NOS1AP: variants seen among roughly 807,000 people sequenced by gnomAD.
The protein encoded by NOS1AP is nitric oxide synthase 1 adaptor protein.
Under a neutral mutation model 56.2 loss-of-function variants are expected in NOS1AP, and 21 were observed. The observed-to-expected ratio is 0.37, with a 90% CI of 0.26 to 0.54. The LOEUF (loss-of-function observed/expected upper bound fraction) is 0.54, where lower values mean the gene tolerates loss of function less well. NOS1AP is among the 20% of genes least tolerant of loss of function. The pLI, the probability that NOS1AP is intolerant of heterozygous loss-of-function variation, is 0.84. For synonymous variants in NOS1AP, 270 were observed against 274.6 expected, an observed-to-expected ratio of 0.98 and a Z score of 0.17; for missense variants, 522 against 657.8, an observed-to-expected ratio of 0.79 and a Z score of 2.26.
chr1:162,326,170 T>C (rs1394117073), intron 4 of NOS1AP, among the ~76,000 whole-genome samples: 1 of 152,216 alleles, frequency 6.6e-6, no homozygotes, highest in African/African-American at 2.4e-5. Context: ...CTACATCCTC[T>C]ACCCTAAAGT....
intron 2 of NOS1AP, among the ~76,000 whole-genome samples, chr1:162,206,586 T>G (rs562437803): frequency 6.6e-6 from 1 of 152,358 alleles, no homozygotes; most frequent in Non-Finnish European, 1.5e-5. Context: ...AGGTAAGCCT[T>G]GTTATCATAA....
At chr1:162,147,300 C>T (rs1283303429) in intron 1 of NOS1AP, among the ~76,000 whole-genome samples, 1 of 147,652 alleles carries the variant, frequency 6.8e-6, no homozygotes, top group Non-Finnish European at 1.5e-5. Flanking sequence ...CCACTGCACT[C>T]CAGCCTGGGC....
At chr1:162,168,491 T>C (rs1368620042) in intron 2 of NOS1AP, among the ~76,000 whole-genome samples, 1 of 152,310 alleles carries the variant, frequency 6.6e-6, no homozygotes, top group South Asian at 2.1e-4. Context: ...GTGGAAACAG[T>C]TGATAAACAG....
At chr1:162,269,742 G>A (rs185367065) in intron 2 of NOS1AP, among the ~76,000 whole-genome samples, 267 of 152,196 alleles carry the variant, frequency 1.8e-3, no homozygotes, top group African/African-American at 6.1e-3. Flanking sequence ...TTTTTCCAAA[G>A]GGCTATACTA....
intron 2 of NOS1AP, among the ~76,000 whole-genome samples, chr1:162,230,760 A>G (rs373110441): frequency 2.0e-5 from 3 of 152,162 alleles, no homozygotes; most frequent in African/African-American, 7.2e-5. Context: ...GTTTTTTTGT[A>G]ATGGGCTTAT....
intron 2 of NOS1AP, among the ~76,000 whole-genome samples, chr1:162,206,282 T>C (rs6668457): frequency 0.16 from 23,919 of 152,120 alleles, 2,086 homozygotes; most frequent in South Asian, 0.23. Flanking sequence ...GCAAAGTTTT[T>C]TATTCTCTTG....
chr1:162,119,757 G>A (rs1052245656), intron 1 of NOS1AP, among the ~76,000 whole-genome samples: 13 of 152,130 alleles, frequency 8.5e-5, no homozygotes, highest in Non-Finnish European at 1.9e-4. Context: ...TCTCTCTCTT[G>A]TCTTTGTGAG....
chr1:162,235,923 T>C (rs1322527940), intron 2 of NOS1AP, among the ~76,000 whole-genome samples: 1 of 152,208 alleles, frequency 6.6e-6, no homozygotes, highest in Admixed American at 6.5e-5. Context: ...AGAAGGCACA[T>C]AGACATCATC....
At chr1:162,284,490 A>C (rs1414725251) in intron 2 of NOS1AP, among the ~76,000 whole-genome samples, 1 of 152,164 alleles carries the variant, frequency 6.6e-6, no homozygotes. Flanking sequence ...TTCATTTTGA[A>C]GGACTCCAGA....
chr1:162,324,981 CTG>C lies in NOS1AP; in HGVS notation c.345-8033_345-8032del, dbSNP rs571710820. Among the ~76,000 whole-genome samples the C allele has an allele frequency of 2.9e-4, 44 of 152,238 alleles. 2 individuals carry two copies. In the South Asian group the frequency reaches 6.4e-3, roughly 22 times the overall value. On this transcript the variant is annotated intron_variant, in intron 4 of 9. Coordinates refer to ENST00000361897, the MANE Select transcript of NOS1AP (RefSeq NM_014697.3). ...CAGTGTGGCCCCACACTTCAGGTGT[CTG>C]TGGAAGTCAGGCTGTGAAGTAAGGA...
intron 2 of NOS1AP, among the ~76,000 whole-genome samples, chr1:162,206,775 A>G (rs1652177202): frequency 6.6e-6 from 1 of 152,242 alleles, no homozygotes; most frequent in Admixed American, 6.5e-5. Flanking sequence ...AAGACCTTGT[A>G]GTGTGACCAT....
intron 1 of NOS1AP, among the ~76,000 whole-genome samples, chr1:162,130,321 C>T (rs1333888454): frequency 6.6e-6 from 1 of 152,214 alleles, no homozygotes; most frequent in Non-Finnish European, 1.5e-5. Context: ...TCAGGTCTTT[C>T]CGACATTAGA....
Position 162,255,490 on chromosome 1 carries a change from A to ATTTTTTTTTTTTTTTTTT in NOS1AP, c.178-31836_178-31819dup, listed in dbSNP as rs35637289. Among the ~76,000 whole-genome samples, 35 of 60,990 alleles carry ATTTTTTTTTTTTTTTTTT rather than the reference A, an allele frequency of 5.7e-4. 3 individuals are homozygous for ATTTTTTTTTTTTTTTTTT. Among genetic ancestry groups the ATTTTTTTTTTTTTTTTTT allele is most frequent in the African/African-American group, 6.0e-4 (12 of 19,902 alleles). 40.0% of individuals were successfully genotyped at this position (60,990 alleles called of 152,430 possible). A position where few individuals can be genotyped will look rare whatever the true frequency, so the allele number is the denominator to read the frequency against. ...ATGCATAGGTTATTTGCTGCTGCTG[A>ATTTTTTTTTTTTTTTTTT]TTTTTTTTTTTTTTTTTTTTTTTTT... On this transcript the variant is annotated intron_variant, in intron 2 of 9. Coordinates refer to ENST00000361897, the MANE Select transcript of NOS1AP (RefSeq NM_014697.3).
At chr1:162,337,005 G>T (rs531256339) in intron 5 of NOS1AP, among the ~76,000 whole-genome samples, 1 of 152,292 alleles carries the variant, frequency 6.6e-6, no homozygotes, top group Non-Finnish European at 1.5e-5. Context: ...CCCCTCCTTG[G>T]GGGATATAAT....
intron 1 of NOS1AP, among the ~76,000 whole-genome samples, chr1:162,131,308 T>C (rs885148): frequency 0.46 from 69,065 of 150,916 alleles, 19,498 homozygotes; most frequent in Non-Finnish European, 0.63. Flanking sequence ...TGGGAAATCA[T>C]GGACTTAACT....
chr1:162,113,058 TG>T (rs1323974749), intron 1 of NOS1AP, among the ~76,000 whole-genome samples: 1 of 152,092 alleles, frequency 6.6e-6, no homozygotes, highest in Non-Finnish European at 1.5e-5. Context: ...ATTAGGTCAG[TG>T]GGTATATCAG....
chr1:162,324,677 G>A (rs1279622459), intron 4 of NOS1AP, among the ~76,000 whole-genome samples: 2 of 152,128 alleles, frequency 1.3e-5, no homozygotes, highest in Non-Finnish European at 2.9e-5. Context: ...TCTGGCTCTC[G>A]CTAGGTCTTA....
chr1:162,132,747 T>C (rs961083757), intron 1 of NOS1AP, among the ~76,000 whole-genome samples: 4 of 152,222 alleles, frequency 2.6e-5, no homozygotes, highest in African/African-American at 7.2e-5. Context: ...GGTCTCCATA[T>C]TGATTCCTCC....
At chr1:162,345,030 G>A (rs530709547) in intron 6 of NOS1AP, among the ~76,000 whole-genome samples, 5 of 151,778 alleles carry the variant, frequency 3.3e-5, no homozygotes, top group East Asian at 3.9e-4. Flanking sequence ...TGTTACCTAC[G>A]AAAAAATCTT....
Sources: gnomAD v4.1 joint callset for allele counts (sites outside exome capture counted in the v4.1 genomes callset) on GRCh38, gnomAD v4.1.1 for gene constraint, MANE v1.5 for transcripts, NCBI Gene and HGNC (gene_info 2026-07-23, HGNC 2026-07-21) for gene names.